The following PAK1 variants were observed in gnomAD, a reference collection of about 807,000 sequenced individuals.
PAK1 encodes p21 (RAC1) activated kinase 1.
Under a neutral mutation model 67.4 loss-of-function variants are expected in PAK1, and 29 were observed. That is an observed-to-expected ratio of 0.43 (90% CI 0.32 to 0.59). PAK1 has a LOEUF of 0.59. PAK1 is among the 20% of genes least tolerant of loss of function. The pLI, the probability that PAK1 is intolerant of heterozygous loss-of-function variation, is 0.07. For synonymous variants in PAK1, 223 were observed against 237.4 expected (o/e 0.94, Z 0.56); for missense variants, 337 against 670.7 (o/e 0.50, Z 5.50).
At chr11:77,487,757 C>T in the PAK1 span, among the ~76,000 whole-genome samples, 1 of 152,130 alleles carries the variant, frequency 6.6e-6, no homozygotes, top group African/African-American at 2.4e-5. Context: ...GGTACCAGCT[C>T]AGTCACAGTA....
chr11:77,445,726 A>G (rs765165094), intron 1 of PAK1, among the ~76,000 whole-genome samples: 3 of 152,222 alleles, frequency 2.0e-5, no homozygotes, highest in Non-Finnish European at 4.4e-5. Context: ...TATATACATA[A>G]TATCTATCAC....
intron 10 of PAK1, among the ~76,000 whole-genome samples, 168 bp from the exon 11 acceptor site, chr11:77,340,931 C>T (rs1445074325): frequency 1.3e-5 from 2 of 152,160 alleles, no homozygotes; most frequent in East Asian, 3.8e-4. Flanking sequence ...AACAGAATCA[C>T]TAACTTTGAA....
rs34083265 is a variant in PAK1, at chr11:77,381,138, AGTGTGTGTGTGT to A, written c.191-1156_191-1145del. On this transcript the variant is annotated intron_variant, in intron 2 of 14. Transcript: ENST00000356341. ...CAGTTTCACCTCTACCTCACCACAG[AGTGTGTGTGTGT>A]GTGTGTGTGTGTGTGTGTGTGTGTG... Among the ~76,000 whole-genome samples, 30 of 144,468 alleles carry A rather than the reference AGTGTGTGTGTGT, an allele frequency of 2.1e-4. 1 individual carries two copies. The highest frequency in any genetic ancestry group is 5.9e-4 in the African/African-American group (23 of 39,136). The allele number at this position is 144,468 out of a possible 152,430, so 94.8% of individuals were successfully genotyped here.
At chr11:77,524,626 T>A in the PAK1 span, among the ~76,000 whole-genome samples, 1 of 152,208 alleles carries the variant, frequency 6.6e-6, no homozygotes, top group Non-Finnish European at 1.5e-5. Context: ...TCCCACTAAA[T>A]TCTGAGATTA....
At chr11:77,381,847 G>C (rs1344338437) in intron 2 of PAK1, among the ~76,000 whole-genome samples, 1 of 152,178 alleles carries the variant, frequency 6.6e-6, no homozygotes, top group Non-Finnish European at 1.5e-5. Context: ...CCAAGTGCTA[G>C]GGTTTAAGCT....
At chr11:77,480,485 T>C in the PAK1 span, among the ~76,000 whole-genome samples, 1 of 152,064 alleles carries the variant, frequency 6.6e-6, no homozygotes, top group East Asian at 1.9e-4. Flanking sequence ...AGTCCTTTAT[T>C]GTAAAGATAA....
At chr11:77,376,720 G>A (rs1458806925) in intron 4 of PAK1, among the ~76,000 whole-genome samples, 1 of 138,224 alleles carries the variant, frequency 7.2e-6, no homozygotes, top group African/African-American at 2.7e-5. Context: ...CTGGGTGACA[G>A]AGTGAGACTC....
chr11:77,458,499 A>G (rs114323641), intron 1 of PAK1, among the ~76,000 whole-genome samples: 481 of 152,260 alleles, frequency 3.2e-3, no homozygotes, highest in African/African-American at 0.011. Context: ...TTTGTCAGTG[A>G]TTTTTGTGCG....
At position 77,429,056 on chromosome 11, in the gene PAK1, T is replaced by TAAAA. The variant is rs566874549; in HGVS notation, c.-21-36519_-21-36516dup. On this transcript the variant is annotated intron_variant, in intron 1 of 14. Coordinates refer to ENST00000356341, the MANE Select transcript of PAK1 (RefSeq NM_002576.5). ...TTGGATTCTAAATGCCATTTAATAC[T>TAAAA]AAAAAAAAAAAAAAAAAAAAAAAAA... Among the ~76,000 whole-genome samples the TAAAA allele has an allele frequency of 8.8e-4, 43 of 48,980 alleles. 7 individuals are homozygous for TAAAA. The highest frequency in any genetic ancestry group is 1.7e-3 in the East Asian group (2 of 1,204). 32.1% of individuals were successfully genotyped at this position (48,980 alleles called of 152,430 possible).
chr11:77,416,563 T>A (rs1954964273), intron 1 of PAK1, among the ~76,000 whole-genome samples: 1 of 152,198 alleles, frequency 6.6e-6, no homozygotes. Flanking sequence ...TAACTTTTTT[T>A]TATAAGTAGG....
Position 77,429,857 on chromosome 11 carries a change from A to G in PAK1, c.-21-37316T>C, listed in dbSNP as rs991507531. 2.6e-5 allele frequency among the ~76,000 whole-genome samples: 4 copies of G among 152,342 alleles called. No homozygotes were observed. In the South Asian group the frequency reaches 8.3e-4, roughly 32 times the overall value. Reference sequence around the variant, plus strand: ...TTTATTTCCTGATTTTGATGGTTGCATTGTACTTACACAACCATCTTATTA... The same window carrying G: ...TTTATTTCCTGATTTTGATGGTTGCGTTGTACTTACACAACCATCTTATTA... On this transcript the variant is annotated intron_variant, in intron 1 of 14. Coordinates refer to ENST00000356341, the MANE Select transcript of PAK1 (RefSeq NM_002576.5).
chr11:77,459,123 T>A (rs543113344), intron 1 of PAK1, among the ~76,000 whole-genome samples: 1 of 151,866 alleles, frequency 6.6e-6, no homozygotes, highest in African/African-American at 2.4e-5. Context: ...AGAGATAGAG[T>A]AGGGTTAGAA....
At chr11:77,514,222 G>A in the PAK1 span, among the ~76,000 whole-genome samples, 1 of 152,156 alleles carries the variant, frequency 6.6e-6, no homozygotes, top group Non-Finnish European at 1.5e-5. Flanking sequence ...AGTCGGGCAC[G>A]GTGGCTAACG....
intron 1 of PAK1, among the ~76,000 whole-genome samples, chr11:77,452,139 T>G (rs1226385636): frequency 6.6e-6 from 1 of 152,242 alleles, no homozygotes. Flanking sequence ...CCACGTCCAC[T>G]TTAAAGTCTT....
At chr11:77,325,339 GAA>G (rs1565566446) in intron 14 of PAK1, 1 of 1,613,798 alleles carries the variant, frequency 6.2e-7, no homozygotes, top group East Asian at 2.2e-5. Context: ...AGCTATCATG[GAA>G]AAGTTACTAA....
the PAK1 span, among the ~76,000 whole-genome samples, chr11:77,479,808 A>G: frequency 1.3e-5 from 2 of 151,610 alleles, no homozygotes; most frequent in African/African-American, 4.9e-5. Context: ...AGGTTTCACC[A>G]TGTTGGCCAG....
At chr11:77,429,049 T>C (rs1955713375) in intron 1 of PAK1, among the ~76,000 whole-genome samples, 2 of 75,546 alleles carry the variant, frequency 2.6e-5, no homozygotes, top group South Asian at 1.1e-3. Context: ...TAAATGCCAT[T>C]TAATACTAAA....
At chr11:77,457,831 C>T (rs1375921018) in intron 1 of PAK1, among the ~76,000 whole-genome samples, 2 of 152,184 alleles carry the variant, frequency 1.3e-5, no homozygotes, top group Admixed American at 6.5e-5. Context: ...ACAGGTTTTC[C>T]TTTTGGTCTT....
chr11:77,527,702 C>T, the PAK1 span, among the ~76,000 whole-genome samples: 1 of 152,124 alleles, frequency 6.6e-6, no homozygotes, highest in Non-Finnish European at 1.5e-5. Context: ...ACTACATTGC[C>T]ACTGAATGTT....
Sources: gnomAD v4.1 joint callset for allele counts (sites outside exome capture counted in the v4.1 genomes callset) on GRCh38, gnomAD v4.1.1 for gene constraint, MANE v1.5 for transcripts, NCBI Gene and HGNC (gene_info 2026-07-23, HGNC 2026-07-21) for gene names.